The following MRTFB variants were observed in gnomAD, a reference collection of about 807,000 sequenced individuals.
MRTFB encodes the protein myocardin related transcription factor B, also known as myocardin-related transcription factor B.
MRTFB carries 29 observed loss-of-function variants against 104.2 expected under a neutral mutation model. That is an observed-to-expected ratio of 0.28 (90% CI 0.21 to 0.38). The LOEUF (loss-of-function observed/expected upper bound fraction) is 0.38, where lower values mean the gene tolerates loss of function less well. Ranked by LOEUF, MRTFB falls within the 10% of genes least tolerant of loss-of-function variation. The probability of loss-of-function intolerance (pLI) is 1.00; values close to 1 mark genes in which losing one functional copy is unlikely to be tolerated. For missense variants in MRTFB, 1,270 were observed against 1,341.6 expected (o/e 0.95, Z 0.83); for synonymous variants, 535 against 519.5 (o/e 1.03, Z -0.41).
At chr16:14,036,172 T>TTATATATTATATATATAA in the MRTFB span, among the ~76,000 whole-genome samples, 26 of 86,426 alleles carry the variant, frequency 3.0e-4, no homozygotes, top group Middle Eastern at 0.011. Context: ...AAAATATATA[T>TTATATATTATATATATAA]TATATATTAT....
At chr16:14,218,781 G>A in intron 7 of MRTFB, 39 bp from the exon 8 acceptor site, 1 of 1,545,952 alleles carries the variant, frequency 6.5e-7, no homozygotes, top group Non-Finnish European at 8.8e-7. Flanking sequence ...GTATTCCAAA[G>A]CCAACATAAG....
intron 13 of MRTFB, among the ~76,000 whole-genome samples, chr16:14,250,873 AT>A (rs1342009524): frequency 6.6e-6 from 1 of 152,200 alleles, no homozygotes; most frequent in Admixed American, 6.5e-5. Context: ...TGATAGTCCT[AT>A]TTACCTAAGT....
At position 14,079,327 on chromosome 16, in the gene MRTFB, A is replaced by T. The variant is rs1228919288; in HGVS notation, c.-91A>T. 2.8e-6 allele frequency: 1 copy of T among 353,040 alleles called. No homozygotes were observed. The highest frequency in any genetic ancestry group is 3.8e-5 in the East Asian group (1 of 26,404). The allele number at this position is 353,040 out of a possible 1,614,324, so 21.9% of individuals were successfully genotyped here. ...GGTGCTAAGAAAGAGAATGTAAGAC[A>T]GGAAAATAATTAAATATTCTTACCG... On this transcript the variant is annotated 5_prime_UTR_variant, in exon 2 of 17. Coordinates refer to ENST00000571589, the MANE Select transcript of MRTFB (RefSeq NM_001308142.2).
chr16:14,139,644 G>C (rs2037894838), intron 2 of MRTFB, among the ~76,000 whole-genome samples: 1 of 152,204 alleles, frequency 6.6e-6, no homozygotes, highest in South Asian at 2.1e-4. Context: ...ATTTACCCAA[G>C]AGAAGGGAAA....
At chr16:14,145,636 C>G (rs1430546846) in intron 3 of MRTFB, among the ~76,000 whole-genome samples, 2 of 152,172 alleles carry the variant, frequency 1.3e-5, no homozygotes, top group African/African-American at 2.4e-5. Context: ...AGGCAATTAA[C>G]TTTTCCTAAC....
the MRTFB span, among the ~76,000 whole-genome samples, chr16:14,065,703 C>T: frequency 6.6e-6 from 1 of 152,074 alleles, no homozygotes; most frequent in African/African-American, 2.4e-5. Context: ...TATAATCACA[C>T]CACTGCACTC....
the MRTFB span, among the ~76,000 whole-genome samples, chr16:14,036,854 G>C: frequency 6.6e-6 from 1 of 151,976 alleles, no homozygotes; most frequent in Non-Finnish European, 1.5e-5. Flanking sequence ...AGCCCCCACT[G>C]AACCCCAAAC....
rs2043850282 is a variant in MRTFB, at chr16:14,263,679, A to G, written c.*2235A>G. 6.6e-6 allele frequency: 1 copy of G among 152,236 alleles called. No individual in the cohort carries two copies. The highest frequency in any genetic ancestry group is 2.1e-4 in the South Asian group (1 of 4,832). The allele number at this position is 152,236 out of a possible 1,614,324, so 9.4% of individuals were successfully genotyped here. A position where few individuals can be genotyped will look rare whatever the true frequency, so the allele number is the denominator to read the frequency against. On this transcript the variant is annotated 3_prime_UTR_variant, in exon 17 of 17. Transcript: ENST00000571589. ...TGCCACAGGAAGGTTGCTCTCCAAA[A>G]ATACACAGTGCAGTGCAAGAAAATG...
chr16:14,074,521 T>C (rs2033919101), intron 1 of MRTFB, among the ~76,000 whole-genome samples: 1 of 152,138 alleles, frequency 6.6e-6, no homozygotes, highest in Admixed American at 6.5e-5. Context: ...AATTAAGGTG[T>C]TTCATTGATT....
chr16:14,179,344 G>T (rs1437863605), intron 3 of MRTFB, among the ~76,000 whole-genome samples: 1 of 152,102 alleles, frequency 6.6e-6, no homozygotes, highest in Non-Finnish European at 1.5e-5. Flanking sequence ...TTACAGTCTG[G>T]CTATCATTTT....
chr16:14,248,994 C>T lies in MRTFB; in HGVS notation c.2316C>T (p.Ala772=). The part of the protein sequence containing the change: ...IATAAQIPTA[A]LASGLAPTVP... Reference sequence around the variant, plus strand: ...CTGCTGCACAAATACCAACTGCTGCCTTGGCCTCAGGCTTGGCCCCAACTG... The same window carrying T: ...CTGCTGCACAAATACCAACTGCTGCTTTGGCCTCAGGCTTGGCCCCAACTG... The change falls in exon 13 of 17, where the codon GCC becomes GCT. Residue 772 remains alanine (A), a synonymous_variant. Coordinates refer to ENST00000571589, the MANE Select transcript of MRTFB (RefSeq NM_001308142.2). 1 of 1,614,210 alleles carries T rather than the reference C, an allele frequency of 6.2e-7. No homozygotes were observed. The highest frequency in any genetic ancestry group is 2.2e-5 in the East Asian group (1 of 44,886).
At chr16:14,087,310 A>AT in intron 2 of MRTFB, among the ~76,000 whole-genome samples, 1 of 152,264 alleles carries the variant, frequency 6.6e-6, no homozygotes, top group East Asian at 1.9e-4. Flanking sequence ...TAGGTTAAGG[A>AT]TATGTACTGA....
At chr16:14,246,123 C>A (rs376489821) in intron 11 of MRTFB, among the ~76,000 whole-genome samples, 1 of 152,106 alleles carries the variant, frequency 6.6e-6, no homozygotes, top group African/African-American at 2.4e-5. Flanking sequence ...CTCATGGGGT[C>A]GTGTGAAGAT....
chr16:14,079,647 G>A (rs1021358296), intron 2 of MRTFB, among the ~76,000 whole-genome samples: 50 of 152,172 alleles, frequency 3.3e-4, no homozygotes, highest in African/African-American at 1.1e-3. Context: ...GCTGTTTGGT[G>A]GTTATATATA....
At chr16:14,249,103 A>G in intron 13 of MRTFB, 22 bp downstream of exon 13, 1 of 1,609,574 alleles carries the variant, frequency 6.2e-7, no homozygotes, top group South Asian at 1.1e-5. Flanking sequence ...CCAAGGAGCA[A>G]TAGAATGTCG....
chr16:14,082,276 A>G (rs149075708), intron 2 of MRTFB, among the ~76,000 whole-genome samples: 6 of 152,316 alleles, frequency 3.9e-5, no homozygotes, highest in African/African-American at 9.6e-5. Context: ...AGTTTTGCCA[A>G]CACCATTTAG....
chr16:14,069,022 T>G (rs994279437), upstream of MRTFB, among the ~76,000 whole-genome samples: 3 of 140,374 alleles, frequency 2.1e-5, no homozygotes, highest in African/African-American at 8.4e-5. Context: ...CAGGCTGGAG[T>G]TCAATAATGC....
intron 3 of MRTFB, among the ~76,000 whole-genome samples, chr16:14,195,862 T>C (rs1199427251): frequency 6.6e-6 from 1 of 152,230 alleles, no homozygotes; most frequent in African/African-American, 2.4e-5. Context: ...GGGAACTGTA[T>C]AGATAAGGAA....
the MRTFB span, among the ~76,000 whole-genome samples, chr16:13,999,433 C>T: frequency 6.7e-6 from 1 of 149,502 alleles, no homozygotes; most frequent in Non-Finnish European, 1.5e-5. Context: ...GTGACTGGCT[C>T]TGGGATGGGC....
Sources: gnomAD v4.1 joint callset for allele counts (sites outside exome capture counted in the v4.1 genomes callset) on GRCh38, gnomAD v4.1.1 for gene constraint, MANE v1.5 for transcripts, NCBI Gene and HGNC (gene_info 2026-07-23, HGNC 2026-07-21) for gene names.